The following TTLL10 variants were observed in gnomAD, a reference collection of about 807,000 sequenced individuals.
TTLL10 encodes tubulin tyrosine ligase like 10, also known as inactive polyglycylase TTLL10.
In TTLL10, 61 loss-of-function variants were observed where a neutral mutation model predicts 69.0. The observed-to-expected ratio is 0.88, with a 90% CI of 0.72 to 1.09. TTLL10 has a LOEUF of 1.09. Among genes scored for constraint, TTLL10 ranks in the 50% least tolerant of loss-of-function variants. The pLI is 0.00. For synonymous variants in TTLL10, 408 were observed against 393.3 expected, an observed-to-expected ratio of 1.04 and a Z score of -0.44; for missense variants, 962 against 945.9, an observed-to-expected ratio of 1.02 and a Z score of -0.22.
chr1:1,182,194 G>A (rs1452203723), intron 9 of TTLL10, among the ~76,000 whole-genome samples, 167 bp from the exon 10 acceptor site: 1 of 152,222 alleles, frequency 6.6e-6, no homozygotes, highest in Non-Finnish European at 1.5e-5. Flanking sequence ...TTGGGGGGGT[G>A]CTGCAAAGGG....
chr1:1,197,007 A>C, intron 14 of TTLL10, 86 bp from the exon 15 acceptor site: 1 of 1,261,870 alleles, frequency 7.9e-7, no homozygotes, highest in Non-Finnish European at 1.1e-6. Context: ...TCCCAGAGCC[A>C]TCTGTCTGAA....
At chr1:1,179,892 G>A (rs1332245250) in intron 5 of TTLL10, 142 bp from the exon 6 acceptor site, 5 of 1,437,306 alleles carry the variant, frequency 3.5e-6, no homozygotes, top group Non-Finnish European at 3.6e-6. Context: ...GCCAGAGCTC[G>A]GGCTGAACTT....
Position 1,180,028 on chromosome 1 carries a change from T to C in TTLL10, c.200-6T>C. On this transcript the variant is annotated splice_polypyrimidine_tract_variant and splice_region_variant and intron_variant, in intron 5 of 15. Transcript: ENST00000379289. ...CCACCCCGGTGGGACCCCACCCCGT[T>C]CACAGGCCCGGCCCACGAGAGGCCA... is the stretch of plus-strand genomic sequence containing the variant. 1 of 1,522,334 alleles carries C rather than the reference T, an allele frequency of 6.6e-7. No homozygotes were observed. Among genetic ancestry groups the C allele is most frequent in the Non-Finnish European group, 8.8e-7 (1 of 1,136,930 alleles). The allele number at this position is 1,522,334 out of a possible 1,614,324, so 94.3% of individuals were successfully genotyped here.
rs1390590173 is a variant in TTLL10, at chr1:1,180,504, C to T, written c.528C>T (p.Ser176=). The T allele has an allele frequency of 1.3e-6, 2 of 1,552,286 alleles. No individual in the cohort carries two copies. The highest frequency in any genetic ancestry group is 8.7e-7 in the Non-Finnish European group (1 of 1,147,872). ...GATIISSYCK[S]KGWQRIHDSR... is the part of the protein sequence containing the mutation. ...GCAGCATCAGCTCCTACTGCAAAAG[C>T]AAGGGCTGGCAGCGCATCCATGACA... Residue 176 remains serine, a synonymous_variant, in exon 7 of 16, where the codon AGC becomes AGT. Transcript: ENST00000379289.
rs569912456 is a variant in TTLL10, at chr1:1,197,930, C to G, written c.*83C>G. The G allele has an allele frequency of 1.4e-5, 19 of 1,350,372 alleles. No individual in the cohort carries two copies. Among genetic ancestry groups the G allele is most frequent in the Non-Finnish European group, 1.7e-5 (18 of 1,050,880 alleles). The allele number at this position is 1,350,372 out of a possible 1,614,324, so 83.6% of individuals were successfully genotyped here. On this transcript the variant is annotated 3_prime_UTR_variant, in exon 16 of 16. Transcript: ENST00000379289. Reference sequence around the variant, plus strand: ...TCAGGGACCTATAAAGCCCACTTTGCTACAAACACAGTCTCTGCAGCAGAG... The same window carrying G: ...TCAGGGACCTATAAAGCCCACTTTGGTACAAACACAGTCTCTGCAGCAGAG...
intron 13 of TTLL10, among the ~76,000 whole-genome samples, chr1:1,190,766 G>T (rs772263244): frequency 2.0e-5 from 3 of 152,094 alleles, no homozygotes; most frequent in Non-Finnish European, 4.4e-5. Context: ...CACTTTTGCT[G>T]CATCCATAAG....
rs1284210448 is a variant in TTLL10, at chr1:1,197,773, A to C, written c.1948A>C (p.Arg650=). The part of the protein sequence containing the change: ...PGTEQSGTGN[R]HPAQEPSPGT... ...CACGGAGCAGTCGGGCACAGGCAACAGGCACCCGGCGCAAGAGCCTTCCCC... is the reference window on the plus strand; with the variant it reads ...CACGGAGCAGTCGGGCACAGGCAACCGGCACCCGGCGCAAGAGCCTTCCCC... The change falls in exon 16 of 16, where the codon AGG becomes CGG. Residue 650 remains arginine, a synonymous_variant. Transcript: ENST00000379289. The C allele has an allele frequency of 1.3e-6, 2 of 1,533,928 alleles. No homozygotes were observed. The highest frequency in any genetic ancestry group is 1.8e-6 in the Non-Finnish European group (2 of 1,141,806).
chr1:1,188,470 A>G (rs561910049), intron 13 of TTLL10, among the ~76,000 whole-genome samples: 1 of 150,920 alleles, frequency 6.6e-6, no homozygotes, highest in African/African-American at 2.4e-5. Flanking sequence ...CAGTGGGGCA[A>G]TCTCAGCTCA....
chr1:1,179,590 C>A (rs1274774098), intron 4 of TTLL10, 67 bp from the exon 5 acceptor site: 3 of 1,546,252 alleles, frequency 1.9e-6, no homozygotes, highest in Admixed American at 2.0e-5. Context: ...CCTCGTCTCC[C>A]GGCCTGACAA....
intron 13 of TTLL10, among the ~76,000 whole-genome samples, chr1:1,188,815 T>C (rs1179509230): frequency 6.6e-6 from 1 of 152,256 alleles, no homozygotes; most frequent in African/African-American, 2.4e-5. Flanking sequence ...TCCATTTTTC[T>C]AGGTCTTCTT....
chr1:1,197,358 T>TCCCCCCCCCCCCCC, intron 15 of TTLL10, 80 bp from the exon 16 acceptor site: 1 of 903,794 alleles, frequency 1.1e-6, no homozygotes, highest in Non-Finnish European at 1.6e-6. Context: ...CTCACCTGGG[T>TCCCCCCCCCCCCCC]CCCACCCCTC....
At chr1:1,184,286 C>T (rs1647181837) in intron 12 of TTLL10, among the ~76,000 whole-genome samples, 195 bp downstream of exon 12, 2 of 152,248 alleles carry the variant, frequency 1.3e-5, no homozygotes, top group African/African-American at 2.4e-5. Context: ...CGCTTTTGGC[C>T]ACGTCAGAAG....
intron 5 of TTLL10, 83 bp downstream of exon 5, chr1:1,179,820 G>A: frequency 6.8e-7 from 1 of 1,468,652 alleles, no homozygotes; most frequent in Non-Finnish European, 9.0e-7. Context: ...CAGGAAGCCT[G>A]GCCCTGGAGG....
Position 1,180,278 on chromosome 1 carries a change from A to G in TTLL10, c.444A>G (p.Pro148=), listed in dbSNP as rs1435774480. 1 of 1,596,326 alleles carries G rather than the reference A, an allele frequency of 6.3e-7. No individual in the cohort carries two copies. The highest frequency in any genetic ancestry group is 1.7e-5 in the Admixed American group (1 of 57,796). Residue 148 remains proline, a synonymous_variant, in exon 6 of 16, where the codon CCA becomes CCG. Coordinates refer to ENST00000379289, the MANE Select transcript of TTLL10 (RefSeq NM_001130045.2). The stretch of plus-strand genomic sequence containing the variant: ...GGCTCCTGCTGGGGGGTGGGAAGCC[A>G]TCGCCCCACAGCACCCGGCCGGGGC... ...LEGLLLGGGK[P]SPHSTRPGPF...
chr1:1,175,964 A>G (rs1481404111), intron 3 of TTLL10: 2 of 435,906 alleles, frequency 4.6e-6, no homozygotes, highest in African/African-American at 4.4e-5. Context: ...GCAGGTGGAA[A>G]GAGGCTGACG....
At position 1,197,449 on chromosome 1, in the gene TTLL10, G is replaced by A. The variant is rs1433762009; in HGVS notation, c.1624G>A (p.Glu542Lys). The change falls in exon 16 of 16, where the codon GAG becomes AAG. Residue 542 changes from glutamate to lysine, a missense_variant. Transcript: ENST00000379289. ...VVIETLDLVL[E>K]TFRKSLRGQK... is the part of the protein sequence containing the mutation. Reference sequence around the variant, plus strand: ...CCCACCCGCACCAGACCTGGTGCTCGAGACCTTCCGGAAGAGCCTGCGCGG... The same window carrying A: ...CCCACCCGCACCAGACCTGGTGCTCAAGACCTTCCGGAAGAGCCTGCGCGG... 7.2e-6 allele frequency: 11 copies of A among 1,535,622 alleles called. No homozygotes were observed. Among genetic ancestry groups the A allele is most frequent in the African/African-American group, 4.2e-5 (3 of 71,648 alleles).
chr1:1,184,201 C>G lies in TTLL10; in HGVS notation c.1260+110C>G. The G allele has an allele frequency of 8.1e-6, 12 of 1,488,620 alleles. No individual in the cohort carries two copies. The South Asian group carries it at 1.2e-4, about 15-fold the overall frequency. 92.2% of individuals were successfully genotyped at this position (1,488,620 alleles called of 1,614,324 possible). On this transcript the variant is annotated intron_variant, in intron 12 of 15. Transcript: ENST00000379289. ...GGTGCAGCTACAGAAGGAGGTGGCC[C>G]AGGCCGGGAGGTGTCTCAGGCCTGG...
chr1:1,186,285 T>C (rs945867828), intron 13 of TTLL10, among the ~76,000 whole-genome samples: 3 of 151,990 alleles, frequency 2.0e-5, no homozygotes, highest in African/African-American at 7.3e-5. Context: ...GATGGGGTTT[T>C]GCCGTGTTGG....
At chr1:1,177,590 C>T (rs760281962) in intron 3 of TTLL10, among the ~76,000 whole-genome samples, 3 of 152,220 alleles carry the variant, frequency 2.0e-5, no homozygotes, top group East Asian at 1.9e-4. Context: ...GGATTACAGG[C>T]GTGAGCCTCC....
Sources: allele counts gnomAD v4.1 joint callset (sites outside exome capture counted in the v4.1 genomes callset), GRCh38; gene constraint gnomAD v4.1.1; transcripts MANE v1.5; gene names NCBI Gene and HGNC (gene_info 2026-07-23, HGNC 2026-07-21).